Variants in LCORL observed in about 807,000 individuals in gnomAD.
The protein encoded by LCORL is ligand-dependent nuclear receptor corepressor-like protein.
In LCORL, 41 loss-of-function variants were observed where a neutral mutation model predicts 141.8. The ratio of observed to expected loss-of-function variants is 0.29; its 90% CI spans 0.23 to 0.38. The LOEUF is 0.38. LCORL is among the 10% of genes least tolerant of loss of function. LCORL has a pLI of 1.00. For missense variants in LCORL, 1,759 were observed against 2,035.0 expected, an observed-to-expected ratio of 0.86 and a Z score of 2.61; for synonymous variants, 618 against 694.1, an observed-to-expected ratio of 0.89 and a Z score of 1.72.
At chr4:17,908,134 G>C (rs941992286) in intron 5 of LCORL, among the ~76,000 whole-genome samples, 2 of 152,042 alleles carry the variant, frequency 1.3e-5, no homozygotes, top group African/African-American at 4.8e-5. Flanking sequence ...CTGGATTCAA[G>C]CAACTCTCCC....
chr4:17,880,694 C>T, intron 6 of LCORL: 2 of 977,250 alleles, frequency 2.0e-6, no homozygotes, highest in South Asian at 4.7e-5. Flanking sequence ...CATTGAAGTG[C>T]TTTACTACAA....
At chr4:17,844,612 T>G (rs1009499593) in exon 8 of LCORL, 8 of 152,450 alleles carry the variant, frequency 5.2e-5, no homozygotes, top group African/African-American at 1.9e-4. Flanking sequence ...TCATTCTGTT[T>G]GTTGGCTCTG....
At chr4:17,879,631 T>C (rs1359159987) in intron 6 of LCORL, among the ~76,000 whole-genome samples, 2 of 151,042 alleles carry the variant, frequency 1.3e-5, no homozygotes, top group Admixed American at 1.3e-4. Flanking sequence ...AATTACATAG[T>C]TTTAAAAAAT....
At chr4:17,888,223 T>C (rs1294706309) in intron 5 of LCORL, among the ~76,000 whole-genome samples, 1 of 152,052 alleles carries the variant, frequency 6.6e-6, no homozygotes, top group Non-Finnish European at 1.5e-5. Context: ...CTGGAAAAAT[T>C]CAGTGTGGCT....
intron 1 of LCORL, among the ~76,000 whole-genome samples, chr4:18,003,249 A>G (rs1316681593): frequency 1.3e-5 from 2 of 152,226 alleles, no homozygotes; most frequent in East Asian, 3.9e-4. Flanking sequence ...ATAAAAGGAG[A>G]AGACAGGAAG....
intron 1 of LCORL, among the ~76,000 whole-genome samples, chr4:18,007,514 C>T (rs975492895): frequency 8.5e-5 from 13 of 152,048 alleles, no homozygotes; most frequent in African/African-American, 2.7e-4. Context: ...TCGCATTTAT[C>T]GTATTCTGTA....
At chr4:18,004,294 A>T (rs1722441764) in intron 1 of LCORL, among the ~76,000 whole-genome samples, 1 of 152,228 alleles carries the variant, frequency 6.6e-6, no homozygotes, top group African/African-American at 2.4e-5. Context: ...CATGCTGCTA[A>T]CAAAGACATA....
At position 17,970,151 on chromosome 4, in the gene LCORL, C is replaced by T. The variant is rs945243621; in HGVS notation, c.220+2669G>A. On this transcript the variant is annotated intron_variant, in intron 2 of 7. Coordinates refer to ENST00000635767, the Ensembl canonical transcript of LCORL. ...TTGTGTCTCAATAGAATGGAAAGTA[C>T]CATAGTACGGTGGAAAGTAGCAACA... is the stretch of plus-strand genomic sequence containing the variant. 3.9e-5 allele frequency among the ~76,000 whole-genome samples: 6 copies of T among 152,076 alleles called. 1 individual carries two copies. The highest frequency in any genetic ancestry group is 3.9e-4 in the East Asian group (2 of 5,190).
rs148644607 is a variant in LCORL at position 18,004,564 on chromosome 4, G to A, written c.154+17034C>T. ...TCCCACCAGGTTCCTATCGTGATACGTGGGAATTGTGGGAATTACAATTCA... is the reference window on the plus strand; with the variant it reads ...TCCCACCAGGTTCCTATCGTGATACATGGGAATTGTGGGAATTACAATTCA... On this transcript the variant is annotated intron_variant, in intron 1 of 7. Coordinates refer to ENST00000635767, the Ensembl canonical transcript of LCORL. Among the ~76,000 whole-genome samples, 11 of 152,234 alleles carry A rather than the reference G, an allele frequency of 7.2e-5. No individual in the cohort carries two copies. In the East Asian group the frequency reaches 1.5e-3, roughly 21 times the overall value.
intron 7 of LCORL, among the ~76,000 whole-genome samples, chr4:17,866,712 A>C (rs1295037902): frequency 6.6e-6 from 1 of 152,108 alleles, no homozygotes; most frequent in African/African-American, 2.4e-5. Flanking sequence ...TTGTAATTAA[A>C]CTATAGGTGA....
intron 1 of LCORL, among the ~76,000 whole-genome samples, chr4:18,002,899 T>A (rs1722205383): frequency 6.6e-6 from 1 of 152,200 alleles, no homozygotes. Context: ...ACTGCACCAG[T>A]GAATTCACTA....
At chr4:17,902,673 G>A (rs976286820) in intron 5 of LCORL, among the ~76,000 whole-genome samples, 8 of 152,072 alleles carry the variant, frequency 5.3e-5, no homozygotes, top group African/African-American at 9.7e-5. Context: ...AACAGTGGTG[G>A]TGGCAGCAGC....
chr4:17,986,353 CAA>C (rs1718976845), intron 1 of LCORL, among the ~76,000 whole-genome samples: 1 of 152,098 alleles, frequency 6.6e-6, no homozygotes, highest in Admixed American at 6.5e-5. Context: ...ATATGTTTTC[CAA>C]GTTGTTTTCT....
intron 4 of LCORL, among the ~76,000 whole-genome samples, chr4:17,931,930 T>C (rs1736107276): frequency 1.3e-5 from 2 of 152,180 alleles, no homozygotes; most frequent in South Asian, 2.1e-4. Flanking sequence ...CTGAATTCTC[T>C]GTAGTTTCTG....
chr4:17,971,943 AGG>A (rs994223508), intron 2 of LCORL, among the ~76,000 whole-genome samples: 4 of 151,878 alleles, frequency 2.6e-5, no homozygotes, highest in Non-Finnish European at 4.4e-5. Flanking sequence ...AAATCAAAGC[AGG>A]TCACGCCTAA....
chr4:17,932,686 T>C (rs1019061570), intron 4 of LCORL, among the ~76,000 whole-genome samples: 2 of 152,180 alleles, frequency 1.3e-5, no homozygotes, highest in Non-Finnish European at 2.9e-5. Flanking sequence ...TCACTTTTTG[T>C]AGATAAAGTT....
At chr4:17,875,495 G>C (rs1172879460) in exon 7 of LCORL, 4 of 1,230,586 alleles carry the variant, frequency 3.3e-6, no homozygotes, top group South Asian at 4.1e-5. Context: ...AAGACATAAG[G>C]TTGCTTATGT....
intron 1 of LCORL, among the ~76,000 whole-genome samples, chr4:17,982,194 T>G (rs550709022): frequency 1.3e-5 from 2 of 151,956 alleles, no homozygotes; most frequent in Admixed American, 1.3e-4. Flanking sequence ...GCATTTAGGT[T>G]GATTCCATGT....
At chr4:17,983,446 A>T (rs34841579) in intron 1 of LCORL, among the ~76,000 whole-genome samples, 97 of 152,242 alleles carry the variant, frequency 6.4e-4, no homozygotes, top group African/African-American at 2.3e-3. Flanking sequence ...TTATCTGAGC[A>T]GTGTTTTGTA....
Sources: allele counts gnomAD v4.1 joint callset (sites outside exome capture counted in the v4.1 genomes callset), GRCh38; gene constraint gnomAD v4.1.1; transcripts MANE v1.5; gene names NCBI Gene and HGNC (gene_info 2026-07-23, HGNC 2026-07-21).